Variants in RGS22 observed in about 807,000 individuals in gnomAD.
The protein encoded by RGS22 is regulator of G-protein signaling 22.
Under a neutral mutation model 172.9 loss-of-function variants are expected in RGS22, and 148 were observed. The ratio of observed to expected loss-of-function variants is 0.86; its 90% CI spans 0.75 to 0.98. The LOEUF (loss-of-function observed/expected upper bound fraction) is 0.98, where lower values mean the gene tolerates loss of function less well. Ranked by LOEUF, RGS22 falls within the 50% of genes least tolerant of loss-of-function variation. The pLI, the probability that RGS22 is intolerant of heterozygous loss-of-function variation, is 0.00. For missense variants in RGS22, 1,347 were observed against 1,440.8 expected (o/e 0.93, Z 1.05); for synonymous variants, 458 against 480.2 (o/e 0.95, Z 0.60).
chr8:100,092,643 C>T (rs1453426595), intron 3 of RGS22, among the ~76,000 whole-genome samples: 1 of 152,180 alleles, frequency 6.6e-6, no homozygotes, highest in Non-Finnish European at 1.5e-5. Flanking sequence ...AAGGCCCTCA[C>T]CAGATGCAGC....
In RGS22 at chr8:100,063,528, C is replaced by G. The variant is rs762622955; in HGVS notation, c.1240G>C (p.Glu414Gln). The G allele has an allele frequency of 6.2e-7, 1 of 1,614,010 alleles. No homozygotes were observed. Among genetic ancestry groups the G allele is most frequent in the South Asian group, 1.1e-5 (1 of 91,070 alleles). ...HRTYDIGNRKEFERFKKFIKG... is the reference protein window; with the variant it reads ...HRTYDIGNRKQFERFKKFIKG... ...ATAAATTTCTTAAATCTTTCAAACT[C>G]CTTTCTATTGCCAATGTCATAAGTC... Residue 414 changes from glutamate to glutamine, a missense_variant, in exon 8 of 28, where the codon GAG becomes CAG. Coordinates refer to ENST00000360863, the MANE Select transcript of RGS22 (RefSeq NM_015668.5).
In RGS22 at chr8:100,105,507, C is replaced by A. The variant is rs1465311164; in HGVS notation, c.26-105G>T. On this transcript the variant is annotated intron_variant, in intron 1 of 27. Coordinates refer to ENST00000360863, the MANE Select transcript of RGS22 (RefSeq NM_015668.5). ...TAGCCCTACGTTATACACAGGCAAACGTAGCACATTTCTGGCCCTCTGTTC... is the reference window on the plus strand; with the variant it reads ...TAGCCCTACGTTATACACAGGCAAAAGTAGCACATTTCTGGCCCTCTGTTC... 4 of 876,724 alleles carry A rather than the reference C, an allele frequency of 4.6e-6. No homozygotes were observed. In the African/African-American group the frequency reaches 5.1e-5, roughly 11 times the overall value. The allele number at this position is 876,724 out of a possible 1,614,324, so 54.3% of individuals were successfully genotyped here.
intron 23 of RGS22, among the ~76,000 whole-genome samples, chr8:99,971,953 G>A (rs1811403792): frequency 6.6e-6 from 1 of 152,004 alleles, no homozygotes; most frequent in African/African-American, 2.4e-5. Context: ...ACAATCCTAA[G>A]CAAAAAGAAC....
intron 18 of RGS22, 82 bp downstream of exon 18, chr8:100,002,120 G>A: frequency 9.5e-7 from 1 of 1,051,182 alleles, no homozygotes; most frequent in Non-Finnish European, 1.4e-6. Context: ...TAAAATAAGA[G>A]ACTTTCAGGT....
chr8:99,962,924 G>A lies in RGS22; in HGVS notation c.3670C>T (p.Leu1224Phe). ...IEALEQERIL[L>F]KIQEELEKKL... The stretch of plus-strand genomic sequence containing the variant: ...TTTTCTAGTTCTTCTTGGATCTTAA[G>A]AAGAATTCTCTCCTGTTCTAAGGCT... Residue 1224 changes from leucine to phenylalanine, a missense_variant, in exon 25 of 28, where the codon CTT becomes TTT. Coordinates refer to ENST00000360863, the MANE Select transcript of RGS22 (RefSeq NM_015668.5). 6.2e-7 allele frequency: 1 copy of A among 1,601,532 alleles called. No homozygotes were observed. The highest frequency in any genetic ancestry group is 8.5e-7 in the Non-Finnish European group (1 of 1,177,270).
chr8:100,088,095 T>C (rs974118740), intron 3 of RGS22, among the ~76,000 whole-genome samples: 2 of 152,060 alleles, frequency 1.3e-5, no homozygotes, highest in African/African-American at 2.4e-5. Context: ...ATACTCTCTC[T>C]TTCTCCCCAC....
intron 6 of RGS22, among the ~76,000 whole-genome samples, chr8:100,069,190 G>A (rs1302983026): frequency 1.3e-5 from 2 of 152,108 alleles, no homozygotes; most frequent in African/African-American, 4.8e-5. Flanking sequence ...CCTCTTGTAT[G>A]ATAATTTTGA....
At chr8:100,068,549 T>C (rs1261060838) in intron 6 of RGS22, among the ~76,000 whole-genome samples, 1 of 152,014 alleles carries the variant, frequency 6.6e-6, no homozygotes, top group Non-Finnish European at 1.5e-5. Context: ...ATTCCCCAGA[T>C]TGATTCTTCC....
intron 2 of RGS22, among the ~76,000 whole-genome samples, chr8:100,096,308 A>G (rs922091017): frequency 3.3e-5 from 5 of 152,196 alleles, no homozygotes; most frequent in Admixed American, 2.0e-4. Context: ...AGTTACAATC[A>G]TTTCCTCCAT....
In RGS22 at chr8:100,099,336, A is replaced by C. The variant is rs1048277304; in HGVS notation, c.55-5827T>G. ...TTTCTCCTTGTACAAAGATACTTAC[A>C]ACTCAATAAACTCATTTAAAGCAGA... On this transcript the variant is annotated intron_variant, in intron 2 of 27. Coordinates refer to ENST00000360863, the MANE Select transcript of RGS22 (RefSeq NM_015668.5). Among the ~76,000 whole-genome samples the C allele has an allele frequency of 2.0e-5, 3 of 152,166 alleles. No homozygotes were observed. In the South Asian group the frequency reaches 6.2e-4, roughly 32 times the overall value.
At chr8:100,006,498 T>C (rs1170065536) in intron 15 of RGS22, among the ~76,000 whole-genome samples, 3 of 152,206 alleles carry the variant, frequency 2.0e-5, no homozygotes, top group African/African-American at 7.2e-5. Flanking sequence ...CATGTTGTTA[T>C]TAGTATGTGA....
intron 14 of RGS22, among the ~76,000 whole-genome samples, chr8:100,037,414 A>C (rs902840976): frequency 6.6e-6 from 1 of 152,226 alleles, no homozygotes; most frequent in Non-Finnish European, 1.5e-5. Context: ...CTTCATTCCT[A>C]AAAGCAAATG....
At chr8:100,078,815 T>G (rs985957556) in intron 4 of RGS22, among the ~76,000 whole-genome samples, 1 of 152,004 alleles carries the variant, frequency 6.6e-6, no homozygotes, top group Non-Finnish European at 1.5e-5. Flanking sequence ...TTTGTAGAGA[T>G]AGTGTTTCGC....
chr8:100,051,875 TTA>T lies in RGS22; in HGVS notation c.1689+925_1689+926del, dbSNP rs1398714995. Reference sequence around the variant, plus strand: ...TATTTATATATAAATGTTTATATATTTATATATTTATATATAAATGTTTATAT... The same window carrying T: ...TATTTATATATAAATGTTTATATATTTATATTTATATATAAATGTTTATAT... On this transcript the variant is annotated intron_variant, in intron 10 of 27. Coordinates refer to ENST00000360863, the MANE Select transcript of RGS22 (RefSeq NM_015668.5). Among the ~76,000 whole-genome samples, 334 of 49,856 alleles carry T rather than the reference TTA, an allele frequency of 6.7e-3. 56 individuals are homozygous for T. The highest frequency in any genetic ancestry group is 0.031 in the African/African-American group (320 of 10,172). 32.7% of individuals were successfully genotyped at this position (49,856 alleles called of 152,430 possible).
intron 23 of RGS22, among the ~76,000 whole-genome samples, chr8:99,972,177 T>C (rs1007143169): frequency 6.6e-6 from 1 of 152,104 alleles, no homozygotes; most frequent in African/African-American, 2.4e-5. Context: ...TAAATGGTGT[T>C]GGGAAAACTG....
At chr8:100,049,414 C>A (rs1821051065) in intron 10 of RGS22, among the ~76,000 whole-genome samples, 1 of 152,114 alleles carries the variant, frequency 6.6e-6, no homozygotes, top group Non-Finnish European at 1.5e-5. Flanking sequence ...CTAGATAACA[C>A]CAATGACAGC....
intron 14 of RGS22, among the ~76,000 whole-genome samples, chr8:100,033,261 T>C (rs1259430275): frequency 6.6e-6 from 1 of 151,908 alleles, no homozygotes; most frequent in African/African-American, 2.4e-5. Flanking sequence ...ACAAAATTGA[T>C]AGACCAAAGC....
At chr8:100,018,418 G>C (rs1213769095) in intron 14 of RGS22, among the ~76,000 whole-genome samples, 1 of 108,594 alleles carries the variant, frequency 9.2e-6, no homozygotes, top group Non-Finnish European at 1.9e-5. Flanking sequence ...AAAAAAATTA[G>C]AATAAATGAA....
At position 100,039,998 on chromosome 8, in the gene RGS22, G is replaced by T. The variant is rs749622818; in HGVS notation, c.2028C>A (p.Phe676Leu). 5.0e-6 allele frequency: 8 copies of T among 1,596,778 alleles called. No homozygotes were observed. The highest frequency in any genetic ancestry group is 1.1e-5 in the South Asian group (1 of 87,734). Residue 676 changes from phenylalanine (F) to leucine (L), a missense_variant, in exon 13 of 28, where the codon TTC (phenylalanine) becomes TTA (leucine). Phe to Leu is a conservative substitution (Grantham distance 22). Coordinates refer to ENST00000360863, the MANE Select transcript of RGS22 (RefSeq NM_015668.5). ...AATGCTCGCAGAATTTAGTAAAGAA[G>T]AATCCAGCTCTATTTTCTACATACA... is the stretch of plus-strand genomic sequence containing the variant. ...QSLYVENRAG[F>L]FFTKFCEHSG...
Sources: gnomAD v4.1 joint callset for allele counts (sites outside exome capture counted in the v4.1 genomes callset) on GRCh38, gnomAD v4.1.1 for gene constraint, MANE v1.5 for transcripts, NCBI Gene and HGNC (gene_info 2026-07-23, HGNC 2026-07-21) for gene names.